Variants in MYBL2 observed in about 807,000 individuals in gnomAD.
The protein encoded by MYBL2 is MYB proto-oncogene like 2, also known as myb-related protein B.
MYBL2 carries 28 observed loss-of-function variants against 79.9 expected under a neutral mutation model. That is an observed-to-expected ratio of 0.35 (90% CI 0.26 to 0.48). The LOEUF (loss-of-function observed/expected upper bound fraction) is 0.48. Among genes scored for constraint, MYBL2 ranks in the 20% least tolerant of loss-of-function variants. The pLI is 0.99. For synonymous variants in MYBL2, 378 were observed against 361.2 expected (o/e 1.05, Z -0.53); for missense variants, 735 against 893.9 (o/e 0.82, Z 2.27).
chr20:43,681,432 T>C (rs778702305), intron 2 of MYBL2, among the ~76,000 whole-genome samples: 1 of 152,198 alleles, frequency 6.6e-6, no homozygotes, highest in African/African-American at 2.4e-5. Context: ...TCCAAAATCA[T>C]CTTGGATCTG....
Position 43,710,029 on chromosome 20 carries a change from C to A in MYBL2, c.1572C>A (p.Asn524Lys). 6.2e-7 allele frequency: 1 copy of A among 1,609,998 alleles called. No individual in the cohort carries two copies. The highest frequency in any genetic ancestry group is 8.5e-7 in the Non-Finnish European group (1 of 1,178,128). ...NTPHTPTPFK[N>K]ALEKYGPLKP... ...CCCACACGCCAACCCCGTTCAAGAACGCCCTGGAGAAGTACGGACCCCTGA... is the reference window on the plus strand; with the variant it reads ...CCCACACGCCAACCCCGTTCAAGAAAGCCCTGGAGAAGTACGGACCCCTGA... Residue 524 changes from asparagine to lysine, a missense_variant, in exon 10 of 14, where the codon AAC becomes AAA. This residue lies in a region of MYBL2 where 243 missense variants were observed against 327.2 expected (regional missense o/e 0.74). Transcript: ENST00000217026.
chr20:43,673,939 G>T, intron 2 of MYBL2, 40 bp downstream of exon 2: 1 of 1,517,978 alleles, frequency 6.6e-7, no homozygotes, highest in South Asian at 1.2e-5. Context: ...GGCAGCTGGG[G>T]GCTGTCCAGA....
In MYBL2 at chr20:43,692,181, C is replaced by T. The variant is rs143375498; in HGVS notation, c.525C>T (p.His175=). Residue 175 remains histidine, a synonymous_variant, in exon 6 of 14, where the codon CAC becomes CAT. Transcript: ENST00000217026. ...PGRTDNAVKN[H]WNSTIKRKVD... ...GGACAGACAATGCTGTGAAGAATCA[C>T]TGGAACTCTACCATCAAAAGGAAGG... 5 of 1,613,968 alleles carry T rather than the reference C, an allele frequency of 3.1e-6. No individual in the cohort carries two copies. In the African/African-American group the frequency reaches 6.7e-5, roughly 22 times the overall value.
At chr20:43,706,060 A>T (rs950818614) in intron 9 of MYBL2, among the ~76,000 whole-genome samples, 1 of 151,726 alleles carries the variant, frequency 6.6e-6, no homozygotes, top group Non-Finnish European at 1.5e-5. Flanking sequence ...AACTGGCCTT[A>T]AAGTGATCTT....
At chr20:43,709,530 G>A (rs1987859852) in intron 9 of MYBL2, among the ~76,000 whole-genome samples, 1 of 152,202 alleles carries the variant, frequency 6.6e-6, no homozygotes, top group Non-Finnish European at 1.5e-5. Context: ...GACCTGGGAA[G>A]ATGCTGGCCT....
At chr20:43,675,062 C>T (rs1036465273) in intron 2 of MYBL2, among the ~76,000 whole-genome samples, 4 of 151,928 alleles carry the variant, frequency 2.6e-5, no homozygotes, top group African/African-American at 9.7e-5. Flanking sequence ...TCACTGTAGC[C>T]TCAACTTTCT....
At chr20:43,683,661 C>T (rs1987200069) in intron 4 of MYBL2, among the ~76,000 whole-genome samples, 1 of 149,612 alleles carries the variant, frequency 6.7e-6, no homozygotes. Flanking sequence ...TCAAGCGATT[C>T]TCGTGTCTTA....
At chr20:43,689,653 CTG>C (rs988883151) in intron 5 of MYBL2, among the ~76,000 whole-genome samples, 2 of 152,186 alleles carry the variant, frequency 1.3e-5, no homozygotes, top group Non-Finnish European at 2.9e-5. Flanking sequence ...CTGGTGACCT[CTG>C]TGTTGTGCCC....
At chr20:43,706,718 A>G (rs4812730) in intron 9 of MYBL2, among the ~76,000 whole-genome samples, 2 of 3,332 alleles carry the variant, frequency 6.0e-4, no homozygotes, top group African/African-American at 2.8e-3. Context: ...AAAAAAAAAA[A>G]GTTTTTTTTT....
chr20:43,711,140 G>A (rs1987895946), intron 10 of MYBL2, among the ~76,000 whole-genome samples: 1 of 152,106 alleles, frequency 6.6e-6, no homozygotes, highest in Admixed American at 6.5e-5. Flanking sequence ...TGAGCTGTCG[G>A]GGTCCTAATT....
intron 9 of MYBL2, among the ~76,000 whole-genome samples, chr20:43,706,459 T>A (rs1033048368): frequency 6.6e-6 from 1 of 152,148 alleles, no homozygotes; most frequent in African/African-American, 2.4e-5. Flanking sequence ...CTCTGCTTGA[T>A]ACATTTGCTG....
At chr20:43,673,739 A>G in intron 1 of MYBL2, 67 bp from the exon 2 acceptor site, 6 of 1,508,320 alleles carry the variant, frequency 4.0e-6, no homozygotes, top group Non-Finnish European at 5.5e-6. Flanking sequence ...GCCGCTGCCT[A>G]CACGTTCTCC....
At chr20:43,695,831 T>TA (rs1987527897) in intron 6 of MYBL2, among the ~76,000 whole-genome samples, 1 of 152,076 alleles carries the variant, frequency 6.6e-6, no homozygotes, top group African/African-American at 2.4e-5. Flanking sequence ...CGTCATGGCT[T>TA]ACACCTGTAA....
At position 43,710,070 on chromosome 20, in the gene MYBL2, G is replaced by A. The variant is rs1236058217; in HGVS notation, c.1605+8G>A. 4 of 1,593,114 alleles carry A rather than the reference G, an allele frequency of 2.5e-6. No homozygotes were observed. Among genetic ancestry groups the A allele is most frequent in the Admixed American group, 3.5e-5 (2 of 57,942 alleles). ...GGACCCCTGAAGCCCCTGGTACGTG[G>A]TGTGGTCGCTGCCGTGGATCTCTGC... On this transcript the variant is annotated splice_region_variant and intron_variant, in intron 10 of 13. Coordinates refer to ENST00000217026, the MANE Select transcript of MYBL2 (RefSeq NM_002466.4).
intron 8 of MYBL2, 93 bp from the exon 9 acceptor site, chr20:43,705,119 GGGGGAGA>G (rs1016864460): frequency 1.4e-6 from 2 of 1,449,442 alleles, no homozygotes; most frequent in African/African-American, 2.8e-5. Context: ...CAGACGTTTT[GGGGGAGA>G]GGCTCAAGGA....
At chr20:43,698,808 A>G (rs948632657) in intron 6 of MYBL2, among the ~76,000 whole-genome samples, 1 of 149,212 alleles carries the variant, frequency 6.7e-6, no homozygotes, top group Admixed American at 6.7e-5. Context: ...TTCTGGGATT[A>G]CAGGTGTGAG....
intron 2 of MYBL2, among the ~76,000 whole-genome samples, chr20:43,681,377 G>C (rs535029672): frequency 4.4e-4 from 67 of 152,286 alleles, no homozygotes; most frequent in Non-Finnish European, 7.4e-4. Context: ...TTGCATGATA[G>C]ATGGTTGAAC....
chr20:43,699,522 G>A (rs570256115), intron 6 of MYBL2, among the ~76,000 whole-genome samples: 4 of 152,130 alleles, frequency 2.6e-5, no homozygotes, highest in Non-Finnish European at 4.4e-5. Context: ...TGTCCATGAT[G>A]CAGTCTAAGA....
At chr20:43,677,974 G>A (rs1458542596) in intron 2 of MYBL2, among the ~76,000 whole-genome samples, 1 of 152,234 alleles carries the variant, frequency 6.6e-6, no homozygotes, top group Admixed American at 6.5e-5. Context: ...AAATTCTTCT[G>A]CCTTGGGATC....
Sources: allele counts gnomAD v4.1 joint callset (sites outside exome capture counted in the v4.1 genomes callset), GRCh38; gene constraint gnomAD v4.1.1; regional missense constraint gnomAD v4.1.1; transcripts MANE v1.5; gene names NCBI Gene and HGNC (gene_info 2026-07-23, HGNC 2026-07-21).